ZMAT4: variants seen among roughly 807,000 people sequenced by gnomAD.
The protein encoded by ZMAT4 is zinc finger matrin-type 4, also known as zinc finger matrin-type protein 4.
Under a neutral mutation model 28.7 loss-of-function variants are expected in ZMAT4, and 17 were observed. That is an observed-to-expected ratio of 0.59 (90% CI 0.41 to 0.89). The LOEUF (loss-of-function observed/expected upper bound fraction) is 0.89. Among genes scored for constraint, ZMAT4 ranks in the 40% least tolerant of loss-of-function variants. The probability of loss-of-function intolerance (pLI) is 0.00; values close to 1 mark genes in which losing one functional copy is unlikely to be tolerated. For synonymous variants in ZMAT4, 117 were observed against 109.2 expected (o/e 1.07, Z -0.44); for missense variants, 240 against 283.8 (o/e 0.85, Z 1.11).
chr8:40,573,106 C>T (rs1215074841), intron 6 of ZMAT4, among the ~76,000 whole-genome samples: 1 of 152,124 alleles, frequency 6.6e-6, no homozygotes, highest in Admixed American at 6.6e-5. Flanking sequence ...TGCTTTACTC[C>T]AGAGGCTCAC....
chr8:40,762,544 T>C (rs1812985575), intron 3 of ZMAT4, among the ~76,000 whole-genome samples: 2 of 152,056 alleles, frequency 1.3e-5, no homozygotes, highest in African/African-American at 4.8e-5. Flanking sequence ...CAATCCCACC[T>C]ACTTGGGAGG....
In ZMAT4 at chr8:40,532,248, A is replaced by G. The variant is rs771631626; in HGVS notation, c.675-10T>C. The G allele has an allele frequency of 9.5e-6, 15 of 1,580,526 alleles. No homozygotes were observed. The highest frequency in any genetic ancestry group is 8.9e-5 in the Admixed American group (5 of 56,104). On this transcript the variant is annotated splice_polypyrimidine_tract_variant and intron_variant, in intron 6 of 6. Transcript: ENST00000297737. ...CTACTTATTCTTCAGGCTATAAGAC[A>G]GAAGGAAACACAGTGTTACCTTCTT...
intron 5 of ZMAT4, among the ~76,000 whole-genome samples, chr8:40,650,207 G>A (rs1246799079): frequency 1.3e-5 from 2 of 151,708 alleles, no homozygotes; most frequent in African/African-American, 4.8e-5. Flanking sequence ...AAAGAGGGAA[G>A]AATCAAATAG....
intron 1 of ZMAT4, among the ~76,000 whole-genome samples, chr8:40,827,485 C>G (rs1184826908): frequency 1.3e-5 from 2 of 152,168 alleles, no homozygotes; most frequent in Non-Finnish European, 1.5e-5. Flanking sequence ...AGACCACATT[C>G]ATAAAGTATC....
At chr8:40,896,992 G>T (rs1818901089) in intron 1 of ZMAT4, among the ~76,000 whole-genome samples, 1 of 148,994 alleles carries the variant, frequency 6.7e-6, no homozygotes, top group Non-Finnish European at 1.5e-5. Flanking sequence ...TTTTTTTCAG[G>T]ATACCCCAAG....
At chr8:40,599,362 A>G (rs4736873) in intron 5 of ZMAT4, among the ~76,000 whole-genome samples, 1 of 151,928 alleles carries the variant, frequency 6.6e-6, no homozygotes, top group Non-Finnish European at 1.5e-5. Flanking sequence ...ACACACATAC[A>G]TATGTATACA....
At chr8:40,851,217 A>C (rs959643175) in intron 1 of ZMAT4, among the ~76,000 whole-genome samples, 6 of 152,198 alleles carry the variant, frequency 3.9e-5, no homozygotes, top group African/African-American at 1.4e-4. Flanking sequence ...AATCCCAGCT[A>C]CTAGGGAGGC....
chr8:40,617,720 C>G (rs1404801627), intron 5 of ZMAT4, among the ~76,000 whole-genome samples: 1 of 152,072 alleles, frequency 6.6e-6, no homozygotes, highest in Non-Finnish European at 1.5e-5. Flanking sequence ...GAAGCAGGGT[C>G]CCTGCATCAA....
chr8:40,882,311 T>C (rs1818309293), intron 1 of ZMAT4, among the ~76,000 whole-genome samples: 1 of 152,174 alleles, frequency 6.6e-6, no homozygotes, highest in Non-Finnish European at 1.5e-5. Context: ...CTCAATATTA[T>C]GGTTCTAGAA....
intron 2 of ZMAT4, among the ~76,000 whole-genome samples, chr8:40,777,845 C>A (rs762351978): frequency 1.3e-5 from 2 of 152,210 alleles, no homozygotes; most frequent in African/African-American, 2.4e-5. Context: ...ACTCTGATCA[C>A]CTCATTATTC....
At chr8:40,569,629 AG>A (rs1303839188) in intron 6 of ZMAT4, among the ~76,000 whole-genome samples, 11 of 152,202 alleles carry the variant, frequency 7.2e-5, no homozygotes, top group African/African-American at 2.7e-4. Flanking sequence ...TATTCATAGC[AG>A]GAAATAAAGT....
At chr8:40,550,979 T>C (rs902456027) in intron 6 of ZMAT4, among the ~76,000 whole-genome samples, 1 of 152,150 alleles carries the variant, frequency 6.6e-6, no homozygotes, top group Non-Finnish European at 1.5e-5. Flanking sequence ...CCACTAATAT[T>C]AGGTTTGTAC....
intron 2 of ZMAT4, among the ~76,000 whole-genome samples, chr8:40,820,842 T>G (rs1176143549): frequency 6.6e-6 from 1 of 150,630 alleles, no homozygotes; most frequent in African/African-American, 2.4e-5. Context: ...TGTGTGTATG[T>G]GTGTATGTTT....
rs532936737 is a variant in ZMAT4, at chr8:40,542,608, C to G, written c.675-10370G>C. Among the ~76,000 whole-genome samples, 238 of 152,166 alleles carry G rather than the reference C, an allele frequency of 1.6e-3. 2 individuals are homozygous for G. Among genetic ancestry groups the G allele is most frequent in the Admixed American group, 0.011 (173 of 15,292 alleles). ...GGCACTATGTTGCCCAGGCTGGTCT[C>G]CAACTCCTGGCCTCAACTGATCCAC... On this transcript the variant is annotated intron_variant, in intron 6 of 6. Coordinates refer to ENST00000297737, the MANE Select transcript of ZMAT4 (RefSeq NM_024645.3).
rs1402690512 is a variant in ZMAT4 at position 40,674,855 on chromosome 8, A to C, written c.426T>G (p.Asp142Glu). The C allele has an allele frequency of 7.4e-6, 12 of 1,613,726 alleles. No homozygotes were observed. Among genetic ancestry groups the C allele is most frequent in the Non-Finnish European group, 1.0e-5 (12 of 1,179,908 alleles). The change falls in exon 5 of 7, where the codon GAT (aspartate) becomes GAG (glutamate). Residue 142 changes from aspartate to glutamate, a missense_variant. Coordinates refer to ENST00000297737, the MANE Select transcript of ZMAT4 (RefSeq NM_024645.3). ...CACAGAGCCCACAGTATCTGTCTGA[A>C]TCTCTTCTTTGATAGGGAGATGCGA... ...PVVASPYQRRDSDRYCGLCAA... is the reference protein window; with the variant it reads ...PVVASPYQRRESDRYCGLCAA...
intron 1 of ZMAT4, among the ~76,000 whole-genome samples, chr8:40,892,350 C>T (rs372188521): frequency 2.6e-5 from 4 of 152,128 alleles, no homozygotes; most frequent in African/African-American, 2.4e-5. Flanking sequence ...AACACATTCC[C>T]GCCACCCTGG....
chr8:40,701,708 G>A (rs1184777131), intron 3 of ZMAT4, among the ~76,000 whole-genome samples: 1 of 151,342 alleles, frequency 6.6e-6, no homozygotes, highest in Non-Finnish European at 1.5e-5. Context: ...AGTAGAGATG[G>A]GGTTTCACCA....
intron 2 of ZMAT4, among the ~76,000 whole-genome samples, chr8:40,800,814 T>A (rs1814800328): frequency 6.6e-6 from 1 of 151,660 alleles, no homozygotes; most frequent in Non-Finnish European, 1.5e-5. Context: ...TTAAAATCAA[T>A]CACATAAGGT....
intron 5 of ZMAT4, among the ~76,000 whole-genome samples, chr8:40,639,240 C>A (rs942989211): frequency 6.6e-6 from 1 of 152,162 alleles, no homozygotes; most frequent in South Asian, 2.1e-4. Context: ...CTGCTTTGCA[C>A]AATTTTTAAT....
Sources: allele counts gnomAD v4.1 joint callset (sites outside exome capture counted in the v4.1 genomes callset), GRCh38; gene constraint gnomAD v4.1.1; transcripts MANE v1.5; gene names NCBI Gene and HGNC (gene_info 2026-07-23, HGNC 2026-07-21).